GNG4: variants seen among roughly 807,000 people sequenced by gnomAD.
GNG4 encodes the protein guanine nucleotide-binding protein G(I)/G(S)/G(O) subunit gamma-4.
GNG4 carries 4 observed loss-of-function variants against 5.8 expected under a neutral mutation model. That is an observed-to-expected ratio of 0.69 (90% CI 0.34 to 1.57). The LOEUF is 1.57. Among genes scored for constraint, GNG4 ranks in the 40% most tolerant of loss-of-function variants. The probability of loss-of-function intolerance (pLI) is 0.06; values close to 1 mark genes in which losing one functional copy is unlikely to be tolerated. For missense variants in GNG4, 96 were observed against 95.1 expected (o/e 1.01, Z -0.04); for synonymous variants, 29 against 32.9 (o/e 0.88, Z 0.41).
chr1:235,627,694 C>A (rs1218966813), intron 1 of GNG4, among the ~76,000 whole-genome samples: 1 of 152,148 alleles, frequency 6.6e-6, no homozygotes, highest in Non-Finnish European at 1.5e-5. Context: ...TTACAATGGC[C>A]TCTCCCCAGG....
intron 3 of GNG4, 37 bp from the exon 4 acceptor site, chr1:235,552,274 C>G: frequency 1.2e-6 from 2 of 1,607,178 alleles, no homozygotes; most frequent in South Asian, 2.2e-5. Flanking sequence ...CAGTTAAAGG[C>G]CCCTTTGCAG....
At chr1:235,592,368 G>A (rs183888080) in intron 2 of GNG4, among the ~76,000 whole-genome samples, 62 of 152,200 alleles carry the variant, frequency 4.1e-4, no homozygotes, top group Non-Finnish European at 6.3e-4. Context: ...GATTAGCCAG[G>A]CATGGTGGCA....
At chr1:235,593,787 C>T (rs541294776) in intron 2 of GNG4, among the ~76,000 whole-genome samples, 2 of 152,098 alleles carry the variant, frequency 1.3e-5, no homozygotes, top group Admixed American at 6.5e-5. Context: ...GGTTTGTGGT[C>T]TCGCTGGCTT....
intron 3 of GNG4, among the ~76,000 whole-genome samples, chr1:235,559,612 T>C (rs1572611136): frequency 6.6e-6 from 1 of 152,216 alleles, no homozygotes; most frequent in Admixed American, 6.5e-5. Flanking sequence ...GCTTCCGCCC[T>C]GTGGGTGGGT....
intron 3 of GNG4, among the ~76,000 whole-genome samples, chr1:235,581,514 C>CA (rs1193598686): frequency 6.8e-6 from 1 of 147,176 alleles, no homozygotes; most frequent in Non-Finnish European, 1.5e-5. Context: ...GACTCCGTCT[C>CA]AAAAAAGAAA....
chr1:235,551,763 TAAAA>T lies in GNG4; in HGVS notation c.*342_*345del, dbSNP rs1428371898. The T allele has an allele frequency of 6.4e-6, 1 of 157,070 alleles. No individual in the cohort carries two copies. The highest frequency in any genetic ancestry group is 2.4e-5 in the African/African-American group (1 of 41,398). The allele number at this position is 157,070 out of a possible 1,614,324, so 9.7% of individuals were successfully genotyped here. A position where few individuals can be genotyped will look rare whatever the true frequency, so the allele number is the denominator to read the frequency against. ...GGATATTTAGGCATAGTTTTTTTTT[TAAAA>T]TAAATTATCCACTGAAATGTATTAA... On this transcript the variant is annotated 3_prime_UTR_variant, in exon 4 of 4. Transcript: ENST00000391854.
At chr1:235,579,113 A>G (rs1430834676) in intron 3 of GNG4, among the ~76,000 whole-genome samples, 1 of 152,012 alleles carries the variant, frequency 6.6e-6, no homozygotes, top group East Asian at 1.9e-4. Context: ...AAAAAAAAAA[A>G]ATTCAGTTAG....
chr1:235,620,240 C>T (rs1285429683), intron 1 of GNG4, among the ~76,000 whole-genome samples: 2 of 152,130 alleles, frequency 1.3e-5, no homozygotes, highest in Non-Finnish European at 2.9e-5. Flanking sequence ...TGGTGCACGT[C>T]TGTAATCCCA....
At position 235,588,098 on chromosome 1, in the gene GNG4, T is replaced by TGG. The variant is rs780555976; in HGVS notation, c.-10-4251_-10-4250insCC. 2.0e-5 allele frequency among the ~76,000 whole-genome samples: 3 copies of TGG among 152,072 alleles called. No individual in the cohort carries two copies. The East Asian group carries it at 5.8e-4, about 29-fold the overall frequency. On this transcript the variant is annotated intron_variant, in intron 2 of 3. Transcript: ENST00000391854. ...CAGACGGCCCTGATCCCTCAGCCCT[T>TGG]CCTCATTCTTCCGCTGTTCAAAAGA...
chr1:235,618,724 C>G (rs182467383), intron 1 of GNG4, among the ~76,000 whole-genome samples: 1 of 150,940 alleles, frequency 6.6e-6, no homozygotes, highest in Non-Finnish European at 1.5e-5. Context: ...GGCGTGATCT[C>G]GGCTCACTGC....
At chr1:235,583,114 C>T (rs994510340) in intron 3 of GNG4, among the ~76,000 whole-genome samples, 1 of 152,174 alleles carries the variant, frequency 6.6e-6, no homozygotes, top group South Asian at 2.1e-4. Context: ...CCTTTCAACT[C>T]TATTACAGTC....
intron 1 of GNG4, chr1:235,614,624 G>A (rs1313180577): frequency 6.6e-6 from 1 of 152,358 alleles, no homozygotes; most frequent in Non-Finnish European, 1.5e-5. Flanking sequence ...GGGCCCTGCA[G>A]CTGAGGCTGC....
intron 2 of GNG4, among the ~76,000 whole-genome samples, chr1:235,593,921 G>A (rs1451694283): frequency 6.6e-6 from 1 of 152,160 alleles, no homozygotes; most frequent in Non-Finnish European, 1.5e-5. Context: ...CAGCGTGCAT[G>A]GGGACCCAAG....
chr1:235,649,866 AC>A (rs889935363), upstream of GNG4: 7 of 143,410 alleles, frequency 4.9e-5, no homozygotes, highest in Admixed American at 4.8e-4. The surrounding 1 kb of genome is among the most constrained non-coding windows in gnomAD (Gnocchi z 5.7). Context: ...GGGCCCGACC[AC>A]GCGGGCCTGG....
chr1:235,553,969 G>A (rs1686826358), intron 3 of GNG4, among the ~76,000 whole-genome samples: 3 of 152,190 alleles, frequency 2.0e-5, no homozygotes, highest in Admixed American at 2.0e-4. Context: ...TGTATGTTGA[G>A]TTGAATAGGA....
chr1:235,612,652 A>T (rs114116724), intron 1 of GNG4, among the ~76,000 whole-genome samples: 31 of 152,158 alleles, frequency 2.0e-4, no homozygotes, highest in Non-Finnish European at 3.1e-4. Context: ...CCTCCCAAGT[A>T]TCTGGAACTA....
intron 3 of GNG4, among the ~76,000 whole-genome samples, chr1:235,582,435 G>A (rs999626449): frequency 2.6e-5 from 4 of 152,140 alleles, no homozygotes; most frequent in African/African-American, 9.7e-5. Context: ...TCACAACTCT[G>A]AGAAGTCTTC....
intron 1 of GNG4, among the ~76,000 whole-genome samples, chr1:235,604,033 G>A (rs552290248): frequency 1.8e-3 from 275 of 152,234 alleles, no homozygotes; most frequent in Non-Finnish European, 3.1e-3. Flanking sequence ...CGGCCTTGCA[G>A]GTAGAAATCA....
At chr1:235,600,797 A>AAT (rs1688242181) in intron 1 of GNG4, among the ~76,000 whole-genome samples, 1 of 152,226 alleles carries the variant, frequency 6.6e-6, no homozygotes, top group Non-Finnish European at 1.5e-5. Context: ...AAAAGAAGAA[A>AAT]ATATATTCAT....
Sources: gnomAD v4.1 joint callset for allele counts (sites outside exome capture counted in the v4.1 genomes callset) on GRCh38, gnomAD v4.1.1 for gene constraint, Gnocchi (gnomAD v3.1) non-coding constraint, MANE v1.5 for transcripts, NCBI Gene and HGNC (gene_info 2026-07-23, HGNC 2026-07-21) for gene names.